Variants in PCDH15 observed in about 807,000 individuals in gnomAD.
PCDH15 encodes the protein protocadherin-15.
Under a neutral mutation model 178.5 loss-of-function variants are expected in PCDH15, and 129 were observed. The ratio of observed to expected loss-of-function variants is 0.72; its 90% CI spans 0.63 to 0.84. The LOEUF (loss-of-function observed/expected upper bound fraction) is 0.84. PCDH15 is among the 40% of genes least tolerant of loss of function. The pLI is 0.00. For missense variants in PCDH15, 2,230 were observed against 2,099.9 expected (o/e 1.06, Z -1.21); for synonymous variants, 800 against 732.0 (o/e 1.09, Z -1.50).
At chr10:54,765,467 C>T (rs1161065817) in intron 1 of PCDH15, among the ~76,000 whole-genome samples, 1 of 152,032 alleles carries the variant, frequency 6.6e-6, no homozygotes, top group Non-Finnish European at 1.5e-5. Flanking sequence ...AATATTAGCT[C>T]CAGGAGAGCA....
intron 2 of PCDH15, among the ~76,000 whole-genome samples, chr10:55,356,874 T>C (rs1588949643): frequency 6.6e-6 from 1 of 151,972 alleles, no homozygotes; most frequent in Non-Finnish European, 1.5e-5. Context: ...GCAGTGCATT[T>C]AGCTATAGTT....
At chr10:55,561,177 T>C (rs955636520) in intron 2 of PCDH15, among the ~76,000 whole-genome samples, 1 of 151,806 alleles carries the variant, frequency 6.6e-6, no homozygotes, top group Non-Finnish European at 1.5e-5. Context: ...CAGGTAAAAG[T>C]ACATGTCTAA....
At chr10:54,371,263 T>G (rs984533325) in intron 4 of PCDH15, among the ~76,000 whole-genome samples, 5 of 151,756 alleles carry the variant, frequency 3.3e-5, no homozygotes, top group African/African-American at 7.2e-5. Flanking sequence ...AATGTAAAAA[T>G]GTAATTGTGA....
intron 3 of PCDH15, among the ~76,000 whole-genome samples, chr10:54,818,366 C>G (rs1952981061): frequency 1.3e-5 from 2 of 152,014 alleles, no homozygotes; most frequent in South Asian, 4.1e-4. Context: ...CCGTAGTCCC[C>G]CTCACAAATG....
intron 9 of PCDH15, among the ~76,000 whole-genome samples, chr10:54,234,260 C>T (rs1004353603): frequency 2.0e-5 from 3 of 151,364 alleles, no homozygotes; most frequent in Non-Finnish European, 4.4e-5. Context: ...CTTCCTAATG[C>T]TAATAACAAT....
At chr10:54,151,754 T>C (rs2044559905) in intron 14 of PCDH15, among the ~76,000 whole-genome samples, 1 of 152,084 alleles carries the variant, frequency 6.6e-6, no homozygotes. Context: ...AAGTAATTAA[T>C]ATATAAATCT....
intron 1 of PCDH15, among the ~76,000 whole-genome samples, chr10:55,214,217 T>C (rs1459385408): frequency 3.3e-5 from 5 of 152,034 alleles, no homozygotes; most frequent in Non-Finnish European, 4.4e-5. Context: ...AGGTGTGTTT[T>C]CCAGTTGTTA....
chr10:53,961,537 T>C (rs771667043), intron 22 of PCDH15, among the ~76,000 whole-genome samples: 9 of 151,944 alleles, frequency 5.9e-5, no homozygotes, highest in Non-Finnish European at 1.3e-4. Context: ...AGGATAGAGA[T>C]CAAAACGCAA....
chr10:54,833,744 A>G (rs1203331258), intron 3 of PCDH15, among the ~76,000 whole-genome samples: 1 of 152,184 alleles, frequency 6.6e-6, no homozygotes, highest in African/African-American at 2.4e-5. Context: ...AACTTGGATA[A>G]TACACAATGT....
At chr10:54,754,967 G>GT in intron 1 of PCDH15, among the ~76,000 whole-genome samples, 1 of 15,884 alleles carries the variant, frequency 6.3e-5, no homozygotes, top group South Asian at 1.8e-3. Context: ...TTTTTTTTTT[G>GT]GGAGACAGAC....
At chr10:54,447,353 TG>T (rs1565300827) in intron 3 of PCDH15, among the ~76,000 whole-genome samples, 2 of 151,694 alleles carry the variant, frequency 1.3e-5, no homozygotes, top group African/African-American at 4.8e-5. Context: ...CCTGGCTAAC[TG>T]GAATTTTGTG....
intron 8 of PCDH15, among the ~76,000 whole-genome samples, chr10:54,279,119 T>A (rs1366129137): frequency 6.6e-6 from 1 of 151,494 alleles, no homozygotes; most frequent in Non-Finnish European, 1.5e-5. Flanking sequence ...AAAACACAAA[T>A]TGATTTTAAT....
intron 1 of PCDH15, among the ~76,000 whole-genome samples, chr10:54,774,709 T>G (rs1298354913): frequency 6.6e-6 from 1 of 152,192 alleles, no homozygotes; most frequent in Non-Finnish European, 1.5e-5. Flanking sequence ...ATTCCAGTAG[T>G]AGGTAAAACC....
intron 3 of PCDH15, among the ~76,000 whole-genome samples, chr10:54,467,601 G>GTTTTTTTTTTTT (rs67776985): frequency 1.8e-4 from 8 of 45,668 alleles, no homozygotes; most frequent in African/African-American, 5.4e-4. Context: ...TCAAGCTGTA[G>GTTTTTTTTTTTT]TTTTTTTTTT....
intron 2 of PCDH15, among the ~76,000 whole-genome samples, chr10:55,078,111 T>C (rs1841954838): frequency 6.6e-6 from 1 of 152,160 alleles, no homozygotes; most frequent in Non-Finnish European, 1.5e-5. Flanking sequence ...GGGTAGAATT[T>C]TTTTATTTCA....
chr10:55,621,971 T>C (rs995579353), intron 2 of PCDH15, among the ~76,000 whole-genome samples: 1 of 145,796 alleles, frequency 6.9e-6, no homozygotes, highest in African/African-American at 2.5e-5. Context: ...AATATAAATA[T>C]ACTCTCGTTC....
intron 14 of PCDH15, among the ~76,000 whole-genome samples, chr10:54,146,896 ATATATATATAGTG>A (rs1324832159): frequency 1.8e-5 from 2 of 112,170 alleles, no homozygotes; most frequent in African/African-American, 3.3e-5. Context: ...GTGTGTATAC[ATATATATATAGTG>A]TATATATATA....
chr10:54,935,278 T>C (rs964873607), intron 2 of PCDH15, among the ~76,000 whole-genome samples: 1 of 152,148 alleles, frequency 6.6e-6, no homozygotes, highest in African/African-American at 2.4e-5. Flanking sequence ...CAGATGCTTA[T>C]GCAGAGACCG....
intron 18 of PCDH15, among the ~76,000 whole-genome samples, chr10:54,051,338 C>T (rs545234294): frequency 1.3e-5 from 2 of 152,136 alleles, no homozygotes; most frequent in African/African-American, 4.8e-5. Flanking sequence ...GCTAGGAAGA[C>T]AGAAAGAAGT....
Sources: gnomAD v4.1 joint callset for allele counts (sites outside exome capture counted in the v4.1 genomes callset) on GRCh38, gnomAD v4.1.1 for gene constraint, MANE v1.5 for transcripts, NCBI Gene and HGNC (gene_info 2026-07-23, HGNC 2026-07-21) for gene names.